The following CNBD1 variants were observed in gnomAD, a reference collection of about 807,000 sequenced individuals.
CNBD1 encodes the protein cyclic nucleotide binding domain containing 1, also known as cyclic nucleotide-binding domain-containing protein 1.
CNBD1 carries 71 observed loss-of-function variants against 54.4 expected under a neutral mutation model. The ratio of observed to expected loss-of-function variants is 1.30; its 90% CI spans 1.08 to 1.59. The LOEUF is 1.59. CNBD1 is among the 40% of genes most tolerant of loss of function. CNBD1 has a pLI of 0.00. For missense variants in CNBD1, 659 were observed against 518.0 expected, an observed-to-expected ratio of 1.27 and a Z score of -2.64; for synonymous variants, 182 against 170.7, an observed-to-expected ratio of 1.07 and a Z score of -0.51.
At position 87,408,212 on chromosome 8, in the gene CNBD1, A is replaced by G. The variant is rs191209590; in HGVS notation, c.214-20334A>G. The stretch of plus-strand genomic sequence containing the variant: ...CTTCTGCTTATTATCTCCTTTCTTC[A>G]TGGTACTATAATTCTATGTTTGTCA... On this transcript the variant is annotated intron_variant, in intron 2 of 7. Transcript: ENST00000521593. Among the ~76,000 whole-genome samples the G allele has an allele frequency of 4.6e-5, 7 of 151,820 alleles. No homozygotes were observed. The East Asian group carries it at 1.4e-3, about 30-fold the overall frequency.
At chr8:87,321,903 C>A (rs974246280) in intron 8 of CNBD1, among the ~76,000 whole-genome samples, 8 of 149,368 alleles carry the variant, frequency 5.4e-5, no homozygotes, top group African/African-American at 1.7e-4. Context: ...GCTGCACCCA[C>A]CACCTCGTCA....
At chr8:87,290,198 A>C (rs1422838125) in intron 8 of CNBD1, among the ~76,000 whole-genome samples, 2 of 152,000 alleles carry the variant, frequency 1.3e-5, no homozygotes, top group Non-Finnish European at 2.9e-5. Context: ...TATGTTACAA[A>C]TTTAACAATA....
At chr8:87,219,832 T>A (rs1312821482) in intron 5 of CNBD1, among the ~76,000 whole-genome samples, 1 of 151,892 alleles carries the variant, frequency 6.6e-6, no homozygotes, top group Non-Finnish European at 1.5e-5. Flanking sequence ...ATAATAAGAG[T>A]TAACTATATT....
intron 10 of CNBD1, among the ~76,000 whole-genome samples, chr8:87,380,185 T>G (rs766901639): frequency 1.4e-4 from 22 of 151,994 alleles, no homozygotes; most frequent in Non-Finnish European, 2.8e-4. Flanking sequence ...TGCTAATATT[T>G]GAATATTAAA....
intron 4 of CNBD1, among the ~76,000 whole-genome samples, chr8:86,973,363 A>G (rs1808267937): frequency 6.6e-6 from 1 of 152,178 alleles, no homozygotes; most frequent in South Asian, 2.1e-4. Flanking sequence ...GAATTTTCTC[A>G]TAGTAATGCA....
chr8:87,145,951 T>C (rs1812477545), intron 4 of CNBD1, among the ~76,000 whole-genome samples: 1 of 152,186 alleles, frequency 6.6e-6, no homozygotes, highest in Non-Finnish European at 1.5e-5. Context: ...ATCATTATTA[T>C]AGAAAAATAT....
At chr8:87,302,996 C>T (rs1008117971) in intron 8 of CNBD1, among the ~76,000 whole-genome samples, 40 of 151,520 alleles carry the variant, frequency 2.6e-4, no homozygotes, top group African/African-American at 9.7e-4. Context: ...AGGATACAAA[C>T]AAATGGAAGA....
At chr8:87,148,652 C>T (rs1812539410) in intron 4 of CNBD1, among the ~76,000 whole-genome samples, 1 of 152,124 alleles carries the variant, frequency 6.6e-6, no homozygotes, top group Non-Finnish European at 1.5e-5. Context: ...CACTGACAGG[C>T]AACCCACCAA....
rs538810279 is a variant in CNBD1, at chr8:86,948,770, T to A, written c.431+9016T>A. Among the ~76,000 whole-genome samples, 17 of 152,294 alleles carry A rather than the reference T, an allele frequency of 1.1e-4. No homozygotes were observed. In the East Asian group the frequency reaches 3.3e-3, roughly 29 times the overall value. ...GCGTAAACTTTACAACTTGATGTGA[T>A]CTCATTTGTCCATTTTTGCTTTGGT... On this transcript the variant is annotated intron_variant, in intron 4 of 10. Coordinates refer to ENST00000518476, the MANE Select transcript of CNBD1 (RefSeq NM_173538.3).
At chr8:87,023,984 T>C (rs1167499506) in intron 4 of CNBD1, among the ~76,000 whole-genome samples, 1 of 152,096 alleles carries the variant, frequency 6.6e-6, no homozygotes, top group Non-Finnish European at 1.5e-5. Flanking sequence ...ATGCCTGTAA[T>C]CCCAGAACTT....
At chr8:87,178,831 A>G (rs149765616) in intron 4 of CNBD1, among the ~76,000 whole-genome samples, 1 of 152,340 alleles carries the variant, frequency 6.6e-6, no homozygotes, top group East Asian at 1.9e-4. Context: ...CTTGATGGCA[A>G]TAGATACCTA....
At chr8:86,997,574 T>G (rs1010958764) in intron 4 of CNBD1, among the ~76,000 whole-genome samples, 9 of 152,182 alleles carry the variant, frequency 5.9e-5, no homozygotes, top group Admixed American at 3.9e-4. Context: ...GTTTACCTAC[T>G]GGACATGAAA....
chr8:86,897,508 G>A (rs185175873), intron 2 of CNBD1, among the ~76,000 whole-genome samples: 2 of 152,262 alleles, frequency 1.3e-5, no homozygotes, highest in Non-Finnish European at 2.9e-5. Flanking sequence ...GAAGGGACCA[G>A]AAAGCAGATA....
intron 4 of CNBD1, among the ~76,000 whole-genome samples, chr8:86,966,795 G>T (rs1256163086): frequency 6.6e-6 from 1 of 152,192 alleles, no homozygotes; most frequent in African/African-American, 2.4e-5. Context: ...AGCAGCAAGA[G>T]TTTTTGAGAA....
At chr8:87,335,469 T>C (rs1036544504) in intron 8 of CNBD1, among the ~76,000 whole-genome samples, 11 of 152,164 alleles carry the variant, frequency 7.2e-5, no homozygotes, top group Admixed American at 1.3e-4. Flanking sequence ...TGCCCTTTTT[T>C]GTATTTTTTG....
chr8:87,278,649 A>G (rs1428198954), intron 6 of CNBD1, among the ~76,000 whole-genome samples: 2 of 151,724 alleles, frequency 1.3e-5, no homozygotes, highest in East Asian at 1.9e-4. Context: ...TTACAGTAAA[A>G]GGGATGACAA....
At chr8:87,317,787 T>G (rs1586007712) in intron 8 of CNBD1, among the ~76,000 whole-genome samples, 1 of 152,164 alleles carries the variant, frequency 6.6e-6, no homozygotes, top group African/African-American at 2.4e-5. Flanking sequence ...CATCTTCAAA[T>G]GCCTACTTCC....
At chr8:87,224,065 CT>C (rs1213162306) in intron 5 of CNBD1, among the ~76,000 whole-genome samples, 4 of 150,550 alleles carry the variant, frequency 2.7e-5, no homozygotes, top group Non-Finnish European at 5.9e-5. Context: ...TGTTCATGTC[CT>C]TCACCCACTT....
intron 2 of CNBD1, among the ~76,000 whole-genome samples, chr8:87,408,940 C>T (rs921633434): frequency 7.9e-5 from 12 of 152,072 alleles, no homozygotes; most frequent in Admixed American, 6.6e-5. Flanking sequence ...ATCTCTCTCT[C>T]TCTCCTCAGA....
Sources: allele counts gnomAD v4.1 joint callset (sites outside exome capture counted in the v4.1 genomes callset), GRCh38; gene constraint gnomAD v4.1.1; transcripts MANE v1.5; gene names NCBI Gene and HGNC (gene_info 2026-07-23, HGNC 2026-07-21).